Variants in THRB observed in about 807,000 individuals in gnomAD.
The protein encoded by THRB is nuclear receptor subfamily 1 group A member 2.
THRB carries 12 observed loss-of-function variants against 47.8 expected under a neutral mutation model. The ratio of observed to expected loss-of-function variants is 0.25; its 90% CI spans 0.16 to 0.41. The LOEUF (loss-of-function observed/expected upper bound fraction) is 0.41. Among genes scored for constraint, THRB ranks in the 10% least tolerant of loss-of-function variants. The pLI is 1.00. For missense variants in THRB, 348 were observed against 589.2 expected (o/e 0.59, Z 4.24); for synonymous variants, 218 against 212.2 (o/e 1.03, Z -0.24).
chr3:24,458,064 G>C (rs1469924584), intron 1 of THRB: 1 of 152,182 alleles, frequency 6.6e-6, no homozygotes, highest in Non-Finnish European at 1.5e-5. Flanking sequence ...CCCAGGGGAA[G>C]TCTATGGGGC....
At chr3:24,336,922 C>G (rs35524091) in intron 2 of THRB, among the ~76,000 whole-genome samples, 6 of 151,994 alleles carry the variant, frequency 3.9e-5, no homozygotes, top group African/African-American at 1.2e-4. Flanking sequence ...CAGGGTTTCA[C>G]CATGTTAGCC....
intron 1 of THRB, chr3:24,430,286 G>C (rs1334065311): frequency 1.3e-5 from 2 of 151,858 alleles, no homozygotes; most frequent in South Asian, 4.1e-4. Flanking sequence ...AATAGAAATA[G>C]ACAAAGTGTT....
chr3:24,295,223 CACA>C (rs1304360053), intron 3 of THRB, among the ~76,000 whole-genome samples: 1 of 152,138 alleles, frequency 6.6e-6, no homozygotes, highest in Non-Finnish European at 1.5e-5. Context: ...AAAAACATTT[CACA>C]ACATTTGGAA....
Position 24,139,374 on chromosome 3 carries a change from CT to C in THRB, c.738+4126del, listed in dbSNP as rs763433341. ...TCTGTTTCTTTTTCTTTCTTTCTTT[CT>C]TTTTCTTTTCTTTCTTTTTTTTTTT... On this transcript the variant is annotated intron_variant, in intron 8 of 10. Transcript: ENST00000646209. Among the ~76,000 whole-genome samples the C allele has an allele frequency of 2.4e-3, 323 of 136,970 alleles. 1 individual carries two copies. The highest frequency in any genetic ancestry group is 3.9e-3 in the Non-Finnish European group (245 of 63,530). 89.9% of individuals were successfully genotyped at this position (136,970 alleles called of 152,430 possible).
intron 1 of THRB, among the ~76,000 whole-genome samples, chr3:24,419,317 G>A (rs1336731811): frequency 1.3e-5 from 2 of 151,810 alleles, no homozygotes; most frequent in African/African-American, 4.8e-5. Flanking sequence ...CCATGGACAG[G>A]TGAGAAAATT....
chr3:24,201,413 G>T (rs75974419), intron 4 of THRB, among the ~76,000 whole-genome samples: 2 of 152,114 alleles, frequency 1.3e-5, no homozygotes, highest in Non-Finnish European at 2.9e-5. Context: ...TGCAGCATCA[G>T]CATCTCCTGG....
At chr3:24,361,479 A>G (rs1212309092) in intron 1 of THRB, among the ~76,000 whole-genome samples, 1 of 152,132 alleles carries the variant, frequency 6.6e-6, no homozygotes, top group Non-Finnish European at 1.5e-5. Flanking sequence ...GATGTGTCCC[A>G]AAAAGAGGGG....
chr3:24,134,159 G>A (rs1386645447), intron 8 of THRB, among the ~76,000 whole-genome samples: 2 of 152,154 alleles, frequency 1.3e-5, no homozygotes, highest in African/African-American at 2.4e-5. Context: ...AAAGCGTAGT[G>A]CAGCAGCCTG....
At chr3:24,325,338 C>T (rs1003504798) in intron 2 of THRB, among the ~76,000 whole-genome samples, 1 of 151,980 alleles carries the variant, frequency 6.6e-6, no homozygotes, top group Non-Finnish European at 1.5e-5. Context: ...GGAAGAAAAA[C>T]AGCACTGAAA....
chr3:24,294,394 G>C (rs2056260889), intron 3 of THRB, among the ~76,000 whole-genome samples: 1 of 152,300 alleles, frequency 6.6e-6, no homozygotes, highest in South Asian at 2.1e-4. Flanking sequence ...AGAGTGATTT[G>C]TTACACATTA....
chr3:24,174,391 A>G (rs964994705), intron 5 of THRB, among the ~76,000 whole-genome samples: 1 of 152,040 alleles, frequency 6.6e-6, no homozygotes, highest in African/African-American at 2.4e-5. Context: ...TAAACTAATC[A>G]TTTCATTTTT....
At chr3:24,458,331 C>G (rs2073377716) in intron 1 of THRB, 1 of 152,084 alleles carries the variant, frequency 6.6e-6, no homozygotes, top group Non-Finnish European at 1.5e-5. Context: ...CACAAAAGAC[C>G]ACGGAAGAGT....
intron 4 of THRB, among the ~76,000 whole-genome samples, chr3:24,225,994 T>C (rs995703854): frequency 6.6e-6 from 1 of 152,118 alleles, no homozygotes; most frequent in Admixed American, 6.5e-5. Context: ...CCTCAAAAAA[T>C]AAACAATTAT....
At chr3:24,177,424 G>T (rs1206680236) in intron 5 of THRB, among the ~76,000 whole-genome samples, 1 of 152,124 alleles carries the variant, frequency 6.6e-6, no homozygotes, top group Non-Finnish European at 1.5e-5. Context: ...TTTATTCTCA[G>T]CATATAGTAC....
chr3:24,170,356 C>A (rs1288479204), intron 5 of THRB, among the ~76,000 whole-genome samples: 5 of 152,206 alleles, frequency 3.3e-5, no homozygotes, highest in African/African-American at 1.2e-4. Flanking sequence ...CCTAACTGGA[C>A]TCCCTTCTGG....
At position 24,210,738 on chromosome 3, in the gene THRB, C is replaced by T. The variant is rs116868192; in HGVS notation, c.22+18200G>A. The stretch of plus-strand genomic sequence containing the variant: ...TCTACCAGTCAGCATGACTGATTCC[C>T]GGAGGGAATGTCTGGTTGACAGTAA... On this transcript the variant is annotated intron_variant, in intron 4 of 10. Coordinates refer to ENST00000646209, the MANE Select transcript of THRB (RefSeq NM_001354712.2). Among the ~76,000 whole-genome samples, 58 of 152,228 alleles carry T rather than the reference C, an allele frequency of 3.8e-4. No homozygotes were observed. In the East Asian group the frequency reaches 0.01, roughly 26 times the overall value.
At chr3:24,413,185 A>G (rs1050191091) in intron 1 of THRB, among the ~76,000 whole-genome samples, 2 of 151,914 alleles carry the variant, frequency 1.3e-5, no homozygotes, top group African/African-American at 4.8e-5. Context: ...CTTATGTTCA[A>G]CAATAGTTGA....
intron 3 of THRB, among the ~76,000 whole-genome samples, chr3:24,273,741 C>G (rs1208618938): frequency 2.0e-5 from 3 of 152,182 alleles, no homozygotes; most frequent in Admixed American, 6.5e-5. Flanking sequence ...CCAGATGTCA[C>G]TGGGGTAGAG....
intron 3 of THRB, among the ~76,000 whole-genome samples, chr3:24,294,325 C>A (rs1026962505): frequency 1.3e-5 from 2 of 152,160 alleles, no homozygotes; most frequent in Admixed American, 6.5e-5. Context: ...TTGCTGAGCC[C>A]AGCCCAGACT....
Sources: gnomAD v4.1 joint callset for allele counts (sites outside exome capture counted in the v4.1 genomes callset) on GRCh38, gnomAD v4.1.1 for gene constraint, MANE v1.5 for transcripts, NCBI Gene and HGNC (gene_info 2026-07-23, HGNC 2026-07-21) for gene names.